Variants in MCHR2 observed in about 807,000 individuals in gnomAD.
MCHR2 encodes melanin concentrating hormone receptor 2.
MCHR2 carries 15 observed loss-of-function variants against 24.8 expected under a neutral mutation model. That is an observed-to-expected ratio of 0.60 (90% CI 0.40 to 0.93). The LOEUF is 0.93. Ranked by LOEUF, MCHR2 falls within the 40% of genes least tolerant of loss-of-function variation. The pLI is 0.00. For missense variants in MCHR2, 386 were observed against 408.7 expected, an observed-to-expected ratio of 0.94 and a Z score of 0.48; for synonymous variants, 151 against 147.6, an observed-to-expected ratio of 1.02 and a Z score of -0.17.
At chr6:99,957,062 G>C (rs1309934229) in intron 1 of MCHR2, among the ~76,000 whole-genome samples, 1 of 152,040 alleles carries the variant, frequency 6.6e-6, no homozygotes, top group African/African-American at 2.4e-5. Flanking sequence ...GGTTTTGAAT[G>C]AGATCTTGAA....
chr6:99,936,595 T>C, intron 4 of MCHR2, among the ~76,000 whole-genome samples: 1 of 152,016 alleles, frequency 6.6e-6, no homozygotes, highest in East Asian at 1.9e-4. Context: ...TACTATAGCT[T>C]TCTAGTAAAT....
intron 1 of MCHR2, among the ~76,000 whole-genome samples, chr6:99,970,423 T>C (rs1227951040): frequency 6.6e-6 from 1 of 152,204 alleles, no homozygotes; most frequent in Non-Finnish European, 1.5e-5. Context: ...TTTTTTCTTG[T>C]AAATTTGTTT....
chr6:99,952,029 G>T (rs2114535390), intron 2 of MCHR2, among the ~76,000 whole-genome samples: 1 of 152,236 alleles, frequency 6.6e-6, no homozygotes, highest in African/African-American at 2.4e-5. Flanking sequence ...TCAGAAGGTA[G>T]ATGTGGGGGT....
At chr6:99,971,169 T>C (rs1182577314) in intron 1 of MCHR2, among the ~76,000 whole-genome samples, 1 of 152,210 alleles carries the variant, frequency 6.6e-6, no homozygotes, top group Non-Finnish European at 1.5e-5. Context: ...GCCATTTTCA[T>C]AATATTGATT....
chr6:99,971,056 G>A (rs1444366189), intron 1 of MCHR2, among the ~76,000 whole-genome samples: 5 of 152,190 alleles, frequency 3.3e-5, no homozygotes, highest in Non-Finnish European at 5.9e-5. Context: ...CTCTTTTTTG[G>A]TTCCATATGA....
At chr6:99,949,829 CCT>C (rs1402577783) in intron 2 of MCHR2, among the ~76,000 whole-genome samples, 2 of 151,928 alleles carry the variant, frequency 1.3e-5, no homozygotes, top group African/African-American at 2.4e-5. Flanking sequence ...TCTCTCATCC[CCT>C]GTCCTCTTCA....
At chr6:99,942,899 G>A (rs1411748430) in intron 4 of MCHR2, 50 bp downstream of exon 4, 2 of 1,497,308 alleles carry the variant, frequency 1.3e-6, no homozygotes. Flanking sequence ...GGAGAATGAA[G>A]TTCTTCACAA....
chr6:99,983,962 A>G (rs1775720822), intron 1 of MCHR2, among the ~76,000 whole-genome samples: 1 of 151,948 alleles, frequency 6.6e-6, no homozygotes, highest in South Asian at 2.1e-4. Flanking sequence ...GAAGGATTGG[A>G]CTCTTTACAA....
intron 1 of MCHR2, among the ~76,000 whole-genome samples, chr6:99,986,133 A>T (rs1363748952): frequency 6.6e-6 from 1 of 152,122 alleles, no homozygotes; most frequent in Non-Finnish European, 1.5e-5. Context: ...GATACCACTT[A>T]TACCAGCCAG....
intron 1 of MCHR2, among the ~76,000 whole-genome samples, chr6:99,963,451 A>C (rs1232179197): frequency 6.6e-6 from 1 of 152,166 alleles, no homozygotes; most frequent in Non-Finnish European, 1.5e-5. Context: ...GAAGTACCTA[A>C]ATTAATCAAA....
intron 4 of MCHR2, among the ~76,000 whole-genome samples, chr6:99,940,179 C>T (rs1243860393): frequency 6.6e-6 from 1 of 151,916 alleles, no homozygotes; most frequent in African/African-American, 2.4e-5. Context: ...AAGCTTTCTA[C>T]TCCTTGCGCT....
intron 5 of MCHR2, among the ~76,000 whole-genome samples, chr6:99,928,189 A>C (rs1044239675): frequency 6.6e-6 from 1 of 152,326 alleles, no homozygotes; most frequent in African/African-American, 2.4e-5. Context: ...GATGAAGCCC[A>C]CTTGATCATG....
rs1774207994 is a variant in MCHR2 at position 99,920,853 on chromosome 6, C to T, written c.*87G>A. ...GTCACAAGTACACAAGAAGAATGGG[C>T]ATAAACATATCGGTACACCTGCCCT... On this transcript the variant is annotated 3_prime_UTR_variant, in exon 6 of 6. Coordinates refer to ENST00000281806, the MANE Select transcript of MCHR2 (RefSeq NM_001040179.2). 6.1e-6 allele frequency: 8 copies of T among 1,302,566 alleles called. No individual in the cohort carries two copies. The Admixed American group carries it at 1.1e-4, about 19-fold the overall frequency. The allele number at this position is 1,302,566 out of a possible 1,614,324, so 80.7% of individuals were successfully genotyped here. A position where few individuals can be genotyped will look rare whatever the true frequency, so the allele number is the denominator to read the frequency against.
At position 99,932,570 on chromosome 6, in the gene MCHR2, C is replaced by T. The variant is rs183960987; in HGVS notation, c.707+1828G>A. ...AAGGCTAGTATCAACAGTGATGTAA[C>T]GTGGCTATCATGTGACCCCTGATAT... On this transcript the variant is annotated intron_variant, in intron 5 of 5. Transcript: ENST00000281806. 2.3e-4 allele frequency among the ~76,000 whole-genome samples: 35 copies of T among 152,196 alleles called. 1 individual carries two copies. The highest frequency in any genetic ancestry group is 3.4e-3 in the Middle Eastern group (1 of 294).
At position 99,975,350 on chromosome 6, in the gene MCHR2, C is replaced by T. The variant is rs549599156; in HGVS notation, c.-28+18586G>A. 1.6e-4 allele frequency among the ~76,000 whole-genome samples: 25 copies of T among 152,270 alleles called. No individual in the cohort carries two copies. In the East Asian group the frequency reaches 3.7e-3, roughly 22 times the overall value. Reference sequence around the variant, plus strand: ...GCTGTGCTAGGAATCAGCGAGACTCCGTGGCCGTAGGACCCTCTGAGCCAG... The same window carrying T: ...GCTGTGCTAGGAATCAGCGAGACTCTGTGGCCGTAGGACCCTCTGAGCCAG... On this transcript the variant is annotated intron_variant, in intron 1 of 5. Coordinates refer to ENST00000281806, the MANE Select transcript of MCHR2 (RefSeq NM_001040179.2).
intron 4 of MCHR2, among the ~76,000 whole-genome samples, chr6:99,938,335 C>G (rs1774706723): frequency 6.6e-6 from 1 of 151,968 alleles, no homozygotes; most frequent in Non-Finnish European, 1.5e-5. Context: ...GCATTTATAA[C>G]TGTAAAATTC....
At chr6:99,943,180 A>G (rs746103123) in intron 3 of MCHR2, 37 bp from the exon 4 acceptor site, 2 of 1,539,692 alleles carry the variant, frequency 1.3e-6, no homozygotes, top group South Asian at 2.5e-5. Context: ...GGAACAATCA[A>G]TAAAAGCACT....
At chr6:99,928,007 T>G (rs1176280070) in intron 5 of MCHR2, among the ~76,000 whole-genome samples, 1 of 152,226 alleles carries the variant, frequency 6.6e-6, no homozygotes, top group African/African-American at 2.4e-5. Flanking sequence ...TTGAGATACA[T>G]CCTATCAATA....
At chr6:99,931,305 GA>G (rs1304525512) in intron 5 of MCHR2, among the ~76,000 whole-genome samples, 1 of 152,198 alleles carries the variant, frequency 6.6e-6, no homozygotes, top group Non-Finnish European at 1.5e-5. Flanking sequence ...CCCATTTGAG[GA>G]GCCAGTCTGC....
Sources: gnomAD v4.1 joint callset for allele counts (sites outside exome capture counted in the v4.1 genomes callset) on GRCh38, gnomAD v4.1.1 for gene constraint, MANE v1.5 for transcripts, NCBI Gene and HGNC (gene_info 2026-07-23, HGNC 2026-07-21) for gene names.